The following SYT9 variants were observed in gnomAD, a reference collection of about 807,000 sequenced individuals.
SYT9 encodes synaptotagmin 9.
A neutral mutation model predicts 48.4 loss-of-function variants in SYT9; 22 were observed. The ratio of observed to expected loss-of-function variants is 0.45; its 90% confidence interval spans 0.32 to 0.65. The LOEUF (loss-of-function observed/expected upper bound fraction) is 0.65, where lower values mean the gene tolerates loss of function less well. Among genes scored for constraint, SYT9 ranks in the 30% least tolerant of loss-of-function variants. The pLI, the probability that SYT9 is intolerant of heterozygous loss-of-function variation, is 0.03. For synonymous variants in SYT9, 265 were observed against 245.0 expected, an observed-to-expected ratio of 1.08 and a Z score of -0.76; for missense variants, 577 against 622.0, an observed-to-expected ratio of 0.93 and a Z score of 0.77.
intron 6 of SYT9, among the ~76,000 whole-genome samples, chr11:7,448,170 A>C (rs774149122): frequency 2.0e-5 from 3 of 152,240 alleles, no homozygotes; most frequent in Non-Finnish European, 2.9e-5. Context: ...ATATTTCACA[A>C]ATATCCTAAA....
intron 4 of SYT9, 59 bp downstream of exon 4, chr11:7,416,221 A>G (rs1847245258): frequency 6.2e-7 from 1 of 1,600,892 alleles, no homozygotes; most frequent in Non-Finnish European, 8.5e-7. Flanking sequence ...AGTACCTTAT[A>G]AAGTTTTAGT....
intron 3 of SYT9, among the ~76,000 whole-genome samples, chr11:7,360,327 C>T (rs1211129449): frequency 6.6e-6 from 1 of 152,120 alleles, no homozygotes; most frequent in Non-Finnish European, 1.5e-5. Flanking sequence ...ATTGACTTGG[C>T]ATTGCGGGCT....
chr11:7,431,199 G>C (rs1406861376), intron 6 of SYT9, among the ~76,000 whole-genome samples: 1 of 152,186 alleles, frequency 6.6e-6, no homozygotes, highest in African/African-American at 2.4e-5. Flanking sequence ...CAAGAGCAAA[G>C]GTCATCTTTG....
At chr11:7,413,946 T>A (rs1248985929) in intron 3 of SYT9, among the ~76,000 whole-genome samples, 1 of 152,200 alleles carries the variant, frequency 6.6e-6, no homozygotes, top group African/African-American at 2.4e-5. Context: ...CTGGTTTACA[T>A]TCTGAATATA....
At chr11:7,412,139 T>G (rs1847149184) in intron 3 of SYT9, among the ~76,000 whole-genome samples, 1 of 152,258 alleles carries the variant, frequency 6.6e-6, no homozygotes, top group African/African-American at 2.4e-5. Flanking sequence ...TTGCTGAGCT[T>G]CTTTAAAATC....
At chr11:7,450,486 G>C (rs1480920383) in intron 6 of SYT9, 3 of 152,234 alleles carry the variant, frequency 2.0e-5, no homozygotes, top group Non-Finnish European at 4.4e-5. Flanking sequence ...CTGTCTGGCA[G>C]AGCTGCAGCC....
chr11:7,317,440 CCTGG>C (rs1374916870), intron 3 of SYT9, among the ~76,000 whole-genome samples: 5 of 152,150 alleles, frequency 3.3e-5, no homozygotes, highest in Non-Finnish European at 7.4e-5. Context: ...AGGCTCTCTT[CCTGG>C]CTCACCTTCT....
At chr11:7,302,428 A>G (rs1044217091) in intron 1 of SYT9, among the ~76,000 whole-genome samples, 1 of 152,332 alleles carries the variant, frequency 6.6e-6, no homozygotes, top group South Asian at 2.1e-4. Flanking sequence ...GGGGAAACCC[A>G]AACTACAATA....
chr11:7,275,463 G>T (rs2133893463), intron 1 of SYT9, among the ~76,000 whole-genome samples: 1 of 152,268 alleles, frequency 6.6e-6, no homozygotes, highest in South Asian at 2.1e-4. Flanking sequence ...TCTTGAATTT[G>T]CAACACCAAA....
At chr11:7,267,517 TA>T (rs1021893143) in intron 1 of SYT9, among the ~76,000 whole-genome samples, 1 of 151,462 alleles carries the variant, frequency 6.6e-6, no homozygotes, top group Non-Finnish European at 1.5e-5. Flanking sequence ...TCTCTTGAGT[TA>T]AAAAAAATCA....
At chr11:7,438,613 C>T (rs937810770) in intron 6 of SYT9, 1 of 152,328 alleles carries the variant, frequency 6.6e-6, no homozygotes, top group Non-Finnish European at 1.5e-5. Context: ...GCAGCTCTGC[C>T]CTCTTCCAAC....
intron 1 of SYT9, among the ~76,000 whole-genome samples, chr11:7,285,728 G>T (rs35922812): frequency 0.15 from 23,368 of 152,220 alleles, 2,185 homozygotes; most frequent in Non-Finnish European, 0.2. Flanking sequence ...TTAGTGACTT[G>T]CTAGATACAA....
intron 6 of SYT9, among the ~76,000 whole-genome samples, chr11:7,454,589 A>G (rs1454550767): frequency 6.6e-6 from 1 of 152,206 alleles, no homozygotes; most frequent in African/African-American, 2.4e-5. Context: ...AGAAACATCC[A>G]TCTAATATCA....
chr11:7,453,184 A>C (rs548534902), intron 6 of SYT9, among the ~76,000 whole-genome samples: 1 of 152,150 alleles, frequency 6.6e-6, no homozygotes. Flanking sequence ...TGAGCTCAGG[A>C]GTTCTAGACC....
Position 7,275,482 on chromosome 11 carries a change from T to C in SYT9, c.145+23151T>C, listed in dbSNP as rs570212377. On this transcript the variant is annotated intron_variant, in intron 1 of 6. Coordinates refer to ENST00000318881, the MANE Select transcript of SYT9 (RefSeq NM_175733.4). The stretch of plus-strand genomic sequence containing the variant: ...GAATTTGCAACACCAAATCCCATTC[T>C]ATTTTCTTTCATGGGTTTCTTTTCT... Among the ~76,000 whole-genome samples, 12 of 152,336 alleles carry C rather than the reference T, an allele frequency of 7.9e-5. No individual in the cohort carries two copies. The South Asian group carries it at 2.5e-3, about 32-fold the overall frequency.
upstream of SYT9, among the ~76,000 whole-genome samples, chr11:7,249,598 T>C (rs1387510644): frequency 6.6e-6 from 1 of 152,214 alleles, no homozygotes; most frequent in Non-Finnish European, 1.5e-5. Flanking sequence ...ATTAAGAAAG[T>C]GTGTTTAGCA....
intron 6 of SYT9, among the ~76,000 whole-genome samples, chr11:7,432,477 G>A (rs1847593939): frequency 6.8e-6 from 1 of 147,006 alleles, no homozygotes; most frequent in Non-Finnish European, 1.5e-5. Context: ...AACGTGGGAG[G>A]CAGAGGCTGC....
intron 1 of SYT9, among the ~76,000 whole-genome samples, chr11:7,268,205 A>C (rs1026025303): frequency 1.3e-5 from 2 of 152,024 alleles, no homozygotes; most frequent in African/African-American, 4.8e-5. Flanking sequence ...AGTGAGCACA[A>C]GAATTAAAGG....
At chr11:7,367,070 A>ATTTTTTTTT (rs1850260250) in intron 3 of SYT9, among the ~76,000 whole-genome samples, 23 of 91,820 alleles carry the variant, frequency 2.5e-4, no homozygotes, top group Admixed American at 5.1e-4. Flanking sequence ...CCAGGAGACC[A>ATTTTTTTTT]TCTTTTTTTT....
Sources: allele counts gnomAD v4.1 joint callset (sites outside exome capture counted in the v4.1 genomes callset), GRCh38; gene constraint gnomAD v4.1.1; transcripts MANE v1.5; gene names NCBI Gene and HGNC (gene_info 2026-07-23, HGNC 2026-07-21).